The following SYN3 variants were observed in gnomAD, a reference collection of about 807,000 sequenced individuals.
The protein encoded by SYN3 is synapsin-3.
In SYN3, 35 loss-of-function variants were observed where a neutral mutation model predicts 65.8. The observed-to-expected ratio is 0.53, with a 90% CI of 0.41 to 0.70. The LOEUF is 0.70. Among genes scored for constraint, SYN3 ranks in the 30% least tolerant of loss-of-function variants. The pLI, the probability that SYN3 is intolerant of heterozygous loss-of-function variation, is 0.00. For synonymous variants in SYN3, 270 were observed against 292.9 expected (o/e 0.92, Z 0.80); for missense variants, 680 against 749.0 (o/e 0.91, Z 1.08).
At chr22:32,716,264 T>C (rs1383741741) in intron 6 of SYN3, among the ~76,000 whole-genome samples, 1 of 152,040 alleles carries the variant, frequency 6.6e-6, no homozygotes, top group Non-Finnish European at 1.5e-5. Flanking sequence ...TCTGTGTGTG[T>C]CTTTCTGAAA....
At chr22:32,940,576 TC>T (rs945606987) in intron 3 of SYN3, among the ~76,000 whole-genome samples, 1 of 152,230 alleles carries the variant, frequency 6.6e-6, no homozygotes, top group Non-Finnish European at 1.5e-5. Context: ...TCAATTTTTT[TC>T]ATATGGTTAT....
chr22:32,895,153 G>A (rs1031699743), intron 4 of SYN3, among the ~76,000 whole-genome samples: 2 of 152,196 alleles, frequency 1.3e-5, no homozygotes, highest in Non-Finnish European at 2.9e-5. Context: ...GGAGTGAGCC[G>A]AAGTTTCATC....
At chr22:32,749,881 G>A (rs1338464350) in intron 6 of SYN3, among the ~76,000 whole-genome samples, 1 of 152,166 alleles carries the variant, frequency 6.6e-6, no homozygotes, top group African/African-American at 2.4e-5. Context: ...CCTCTGGATG[G>A]TAATGAGTCA....
intron 6 of SYN3, among the ~76,000 whole-genome samples, chr22:32,765,028 A>C (rs1454709712): frequency 5.1e-4 from 19 of 37,058 alleles, no homozygotes; most frequent in African/African-American, 6.4e-4. Flanking sequence ...CCCCCACCCC[A>C]CCCCACTGTC....
chr22:32,533,668 C>T (rs938214602), intron 10 of SYN3, 125 bp downstream of exon 10: 1 of 631,188 alleles, frequency 1.6e-6, no homozygotes, highest in African/African-American at 1.8e-5. Flanking sequence ...TCACTGAGGC[C>T]TGGGTTGCGT....
chr22:32,994,090 G>T (rs1030673375), intron 2 of SYN3, among the ~76,000 whole-genome samples: 1 of 152,192 alleles, frequency 6.6e-6, no homozygotes, highest in Non-Finnish European at 1.5e-5. Context: ...ATTGGACAGC[G>T]TGTAGACCTC....
chr22:32,522,353 T>A (rs1601554094), intron 12 of SYN3, among the ~76,000 whole-genome samples: 1 of 152,148 alleles, frequency 6.6e-6, no homozygotes, highest in Non-Finnish European at 1.5e-5. Flanking sequence ...TAAAATAATA[T>A]CTCTTTATCA....
rs745440603 is a variant in SYN3 at position 32,715,916 on chromosome 22, C to A, written c.712-119180G>T. ...ACAACAGCTGTGCTGGAACCAAGTA[C>A]TCCACGGAGGCTTTGATTGTCAGTG... On this transcript the variant is annotated intron_variant, in intron 6 of 13. Coordinates refer to ENST00000358763, the MANE Select transcript of SYN3 (RefSeq NM_003490.4). Among the ~76,000 whole-genome samples the A allele has an allele frequency of 1.1e-4, 17 of 152,226 alleles. No homozygotes were observed. In the South Asian group the frequency reaches 2.3e-3, roughly 20 times the overall value.
intron 3 of SYN3, among the ~76,000 whole-genome samples, chr22:32,967,014 G>A (rs1243245887): frequency 6.6e-6 from 1 of 152,204 alleles, no homozygotes. Flanking sequence ...GTGTGGCCTT[G>A]GGTAAGCCTC....
chr22:32,572,361 C>CTCTTCATTTCCTTCCTT (rs2058778484), intron 7 of SYN3, among the ~76,000 whole-genome samples: 1 of 90,600 alleles, frequency 1.1e-5, no homozygotes, highest in Non-Finnish European at 2.0e-5. Flanking sequence ...TCCCTTACTT[C>CTCTTCATTTCCTTCCTT]CCTTCCACCC....
chr22:32,635,508 T>TTGGGGCCAGATATTTGAAATAGGGACA (rs2052708082), intron 6 of SYN3, among the ~76,000 whole-genome samples: 1 of 152,178 alleles, frequency 6.6e-6, no homozygotes, highest in Admixed American at 6.5e-5. Flanking sequence ...TCTGCAAACA[T>TTGGGGCCAGATATTTGAAATAGGGACA]TGGGGCCAGA....
intron 6 of SYN3, among the ~76,000 whole-genome samples, chr22:32,738,343 T>C (rs889722064): frequency 2.0e-5 from 3 of 152,316 alleles, no homozygotes; most frequent in Non-Finnish European, 4.4e-5. Context: ...GTGAACACGA[T>C]GTCACTAAGT....
At chr22:32,962,846 A>ATCTG (rs1236252671) in intron 3 of SYN3, among the ~76,000 whole-genome samples, 23 of 121,900 alleles carry the variant, frequency 1.9e-4, no homozygotes, top group African/African-American at 7.4e-4. Flanking sequence ...CTATCTATCT[A>ATCTG]TCTATCTGTC....
At chr22:32,838,369 C>T (rs2047797500) in intron 6 of SYN3, among the ~76,000 whole-genome samples, 1 of 152,178 alleles carries the variant, frequency 6.6e-6, no homozygotes, top group African/African-American at 2.4e-5. Flanking sequence ...TTCCTGAGTG[C>T]TACCACAAGG....
At chr22:32,767,252 C>T (rs1185019176) in intron 6 of SYN3, among the ~76,000 whole-genome samples, 1 of 152,130 alleles carries the variant, frequency 6.6e-6, no homozygotes, top group Non-Finnish European at 1.5e-5. Flanking sequence ...CCTCAAGTAG[C>T]CTTCTCTTCT....
At chr22:32,899,121 C>CAA (rs1419498399) in intron 4 of SYN3, among the ~76,000 whole-genome samples, 33 of 151,796 alleles carry the variant, frequency 2.2e-4, no homozygotes, top group South Asian at 4.2e-4. Context: ...CAAAACAAAA[C>CAA]AACGAAAAAA....
chr22:32,680,347 C>T (rs371867579), intron 6 of SYN3, among the ~76,000 whole-genome samples: 1 of 152,174 alleles, frequency 6.6e-6, no homozygotes, highest in South Asian at 2.1e-4. Context: ...TGAATTCATG[C>T]ACTTGTTTAA....
chr22:32,661,011 A>G (rs2147002148), intron 6 of SYN3, among the ~76,000 whole-genome samples: 1 of 152,370 alleles, frequency 6.6e-6, no homozygotes, highest in East Asian at 1.9e-4. Flanking sequence ...ATCTCTGCTC[A>G]AAAGGTGTCA....
intron 4 of SYN3, among the ~76,000 whole-genome samples, chr22:32,916,469 G>A (rs7287344): frequency 0.035 from 5,259 of 152,254 alleles, 315 homozygotes; most frequent in African/African-American, 0.12. Flanking sequence ...ACTTCTCTAG[G>A]CAAGTTCAAT....
Sources: allele counts gnomAD v4.1 joint callset (sites outside exome capture counted in the v4.1 genomes callset), GRCh38; gene constraint gnomAD v4.1.1; transcripts MANE v1.5; gene names NCBI Gene and HGNC (gene_info 2026-07-23, HGNC 2026-07-21).